The following CERK variants were observed in gnomAD, a reference collection of about 807,000 sequenced individuals.
The protein encoded by CERK is ceramide kinase.
CERK carries 39 observed loss-of-function variants against 63.4 expected under a neutral mutation model. The observed-to-expected ratio is 0.61, with a 90% CI of 0.48 to 0.80. The LOEUF is 0.80. Ranked by LOEUF, CERK falls within the 30% of genes least tolerant of loss-of-function variation. The probability of loss-of-function intolerance (pLI) is 0.00; values close to 1 mark genes in which losing one functional copy is unlikely to be tolerated. For synonymous variants in CERK, 302 were observed against 280.0 expected (o/e 1.08, Z -0.78); for missense variants, 670 against 714.1 (o/e 0.94, Z 0.70).
Position 46,720,879 on chromosome 22 carries a change from G to C in CERK, c.256+23C>G. 3.6e-6 allele frequency: 5 copies of C among 1,392,988 alleles called. No individual in the cohort carries two copies. The South Asian group carries it at 5.8e-5, about 16-fold the overall frequency. The allele number at this position is 1,392,988 out of a possible 1,614,324, so 86.3% of individuals were successfully genotyped here. A position where few individuals can be genotyped will look rare whatever the true frequency, so the allele number is the denominator to read the frequency against. ...TACATAGAATTAATGAAGAATGTGG[G>C]AGAAGACATTTAGGCTTATCACCTG... is the stretch of plus-strand genomic sequence containing the variant. On this transcript the variant is annotated intron_variant, in intron 2 of 12. Coordinates refer to ENST00000216264, the MANE Select transcript of CERK (RefSeq NM_022766.6).
At position 46,691,416 on chromosome 22, in the gene CERK, G is replaced by T. The variant is rs559562348; in HGVS notation, c.1332+156C>A. 3.3e-5 allele frequency among the ~76,000 whole-genome samples: 5 copies of T among 152,020 alleles called. No homozygotes were observed. In the South Asian group the frequency reaches 1.0e-3, roughly 32 times the overall value. On this transcript the variant is annotated intron_variant, in intron 11 of 12. Coordinates refer to ENST00000216264, the MANE Select transcript of CERK (RefSeq NM_022766.6). Reference sequence around the variant, plus strand: ...AAATGATATTTTACAAGGAGTAGTTGTAACCAGGAGTTTAAAGTTTGTGAA... The same window carrying T: ...AAATGATATTTTACAAGGAGTAGTTTTAACCAGGAGTTTAAAGTTTGTGAA...
At chr22:46,691,444 T>TAAA in intron 11 of CERK, 128 bp downstream of exon 11, 1 of 615,178 alleles carries the variant, frequency 1.6e-6, no homozygotes, top group Non-Finnish European at 2.6e-6. Context: ...TTTGTGAAAT[T>TAAA]AAAAAAAAAA....
At chr22:46,693,638 T>C (rs983318791) in intron 9 of CERK, 135 bp from the exon 10 acceptor site, 1 of 701,154 alleles carries the variant, frequency 1.4e-6, no homozygotes, top group Non-Finnish European at 2.5e-6. Context: ...AAAATATTTT[T>C]TGGCATATTA....
chr22:46,693,543 T>C, intron 9 of CERK, 40 bp from the exon 10 acceptor site: 1 of 1,528,670 alleles, frequency 6.5e-7, no homozygotes, highest in Non-Finnish European at 9.1e-7. Context: ...AATATGGAGC[T>C]GCAGGTGCAG....
At chr22:46,711,279 T>G in intron 4 of CERK, 130 bp from the exon 5 acceptor site, 2 of 698,486 alleles carry the variant, frequency 2.9e-6, no homozygotes, top group Non-Finnish European at 5.1e-6. Flanking sequence ...TAAAATTCCC[T>G]CTTCAATTCT....
intron 6 of CERK, among the ~76,000 whole-genome samples, chr22:46,702,189 A>G (rs112946947): frequency 0.1 from 14,994 of 146,534 alleles, 1,070 homozygotes; most frequent in Admixed American, 0.17. Flanking sequence ...AAAAAAAAAA[A>G]AAAAAGGAGC....
At chr22:46,697,362 C>CTGCAGTGCAG (rs1231637726) in intron 8 of CERK, among the ~76,000 whole-genome samples, 1 of 151,972 alleles carries the variant, frequency 6.6e-6, no homozygotes, top group African/African-American at 2.4e-5. Flanking sequence ...GTGCAGTGGC[C>CTGCAGTGCAG]TGATCTCTGC....
In CERK at chr22:46,687,220, C is replaced by T. The variant is rs762338884; in HGVS notation, c.1542-14G>A. ...TGGCAGTGGACTCTGCAGAGACAAG[C>T]GGCCACGTGTAAACCCCACGTGTCC... On this transcript the variant is annotated splice_polypyrimidine_tract_variant and intron_variant, in intron 12 of 12. Transcript: ENST00000216264. 2.7e-5 allele frequency: 43 copies of T among 1,612,916 alleles called. No homozygotes were observed. Among genetic ancestry groups the T allele is most frequent in the Non-Finnish European group, 3.1e-5 (37 of 1,179,466 alleles).
At chr22:46,689,963 G>T in intron 12 of CERK, 29 bp downstream of exon 12, 1 of 1,552,320 alleles carries the variant, frequency 6.4e-7, no homozygotes, top group Non-Finnish European at 8.7e-7. Context: ...AGGGGATGGC[G>T]CTGGTGGCTG....
At chr22:46,699,567 TAA>T in intron 7 of CERK, 102 bp from the exon 8 acceptor site, 1 of 1,100,768 alleles carries the variant, frequency 9.1e-7, no homozygotes, top group South Asian at 1.4e-5. Flanking sequence ...GAGTTACTTT[TAA>T]AAAGTGTGAA....
chr22:46,691,151 T>C (rs2082729663), intron 11 of CERK, among the ~76,000 whole-genome samples: 1 of 152,154 alleles, frequency 6.6e-6, no homozygotes, highest in Non-Finnish European at 1.5e-5. Flanking sequence ...CTCAGCTCAC[T>C]GTAGCCTCCA....
intron 11 of CERK, among the ~76,000 whole-genome samples, chr22:46,691,041 A>G (rs1419678599): frequency 6.5e-5 from 9 of 138,070 alleles, no homozygotes; most frequent in African/African-American, 2.0e-4. Flanking sequence ...ACATACACAC[A>G]CATGTATACA....
Position 46,694,264 on chromosome 22 carries a change from C to T in CERK, c.1050-761G>A, listed in dbSNP as rs135674. 2.5e-3 allele frequency among the ~76,000 whole-genome samples: 375 copies of T among 152,214 alleles called. 3 individuals are homozygous for T. Among genetic ancestry groups the T allele is most frequent in the Non-Finnish European group, 4.3e-3 (290 of 68,010 alleles). ...AGCAGAGACAGGATGACCATTCAGGCGCCCTCCATGGTCACTAGGGAGGTC... is the reference window on the plus strand; with the variant it reads ...AGCAGAGACAGGATGACCATTCAGGTGCCCTCCATGGTCACTAGGGAGGTC... On this transcript the variant is annotated intron_variant, in intron 9 of 12. Transcript: ENST00000216264.
rs1237808522 is a variant in CERK, at chr22:46,693,174, A to G, written c.1126+253T>C. 1.3e-5 allele frequency among the ~76,000 whole-genome samples: 2 copies of G among 152,214 alleles called. 1 individual carries two copies. Among genetic ancestry groups the G allele is most frequent in the South Asian group, 4.1e-4 (2 of 4,822 alleles). ...TAGAGCACCTGGGACAGGAGTCCAG[A>G]CTCAGCACCACAACAGCGTTTCAGA... On this transcript the variant is annotated intron_variant, in intron 10 of 12. Coordinates refer to ENST00000216264, the MANE Select transcript of CERK (RefSeq NM_022766.6).
At chr22:46,713,504 A>G (rs5769105) in intron 3 of CERK, among the ~76,000 whole-genome samples, 95,682 of 131,640 alleles carry the variant, frequency 0.73, 35,072 homozygotes, top group Non-Finnish European at 0.77. Context: ...GTGAGACTTC[A>G]TCTCAAAAAA....
Position 46,712,320 on chromosome 22 carries a change from A to T in CERK, c.380-27T>A, listed in dbSNP as rs779555835. 41 of 1,607,598 alleles carry T rather than the reference A, an allele frequency of 2.6e-5. No individual in the cohort carries two copies. The Admixed American group carries it at 3.6e-4, about 14-fold the overall frequency. Reference sequence around the variant, plus strand: ...TGTAAGACAACAACATGTAAATAACAACGAAAATAACAAAATCAAAACGAA... The same window carrying T: ...TGTAAGACAACAACATGTAAATAACTACGAAAATAACAAAATCAAAACGAA... On this transcript the variant is annotated intron_variant, in intron 3 of 12. Transcript: ENST00000216264.
At chr22:46,704,792 TC>T (rs1291543916) in intron 6 of CERK, among the ~76,000 whole-genome samples, 1 of 131,310 alleles carries the variant, frequency 7.6e-6, no homozygotes, top group Non-Finnish European at 1.5e-5. Flanking sequence ...GCCACTGCAC[TC>T]CAGCCTGGGT....
intron 1 of CERK, among the ~76,000 whole-genome samples, chr22:46,729,727 G>T (rs2082936221): frequency 6.6e-6 from 1 of 152,168 alleles, no homozygotes; most frequent in South Asian, 2.1e-4. Flanking sequence ...AGATGTTGAT[G>T]TTATCAGACA....
At chr22:46,737,956 C>T (rs992732357) in intron 1 of CERK, 51 bp downstream of exon 1, 1 of 1,138,190 alleles carries the variant, frequency 8.8e-7, no homozygotes. Context: ...CCCCAAGCCG[C>T]CCCCGCTCCC....
Sources: allele counts gnomAD v4.1 joint callset (sites outside exome capture counted in the v4.1 genomes callset), GRCh38; gene constraint gnomAD v4.1.1; transcripts MANE v1.5; gene names NCBI Gene and HGNC (gene_info 2026-07-23, HGNC 2026-07-21).